Variants in SLAIN2 observed in about 807,000 individuals in gnomAD.
SLAIN2 encodes SLAIN family member 2, also known as SLAIN motif-containing protein 2.
Under a neutral mutation model 56.6 loss-of-function variants are expected in SLAIN2, and 31 were observed. That is an observed-to-expected ratio of 0.55 (90% CI 0.41 to 0.74). The LOEUF (loss-of-function observed/expected upper bound fraction) is 0.74, where lower values mean the gene tolerates loss of function less well. Ranked by LOEUF, SLAIN2 falls within the 30% of genes least tolerant of loss-of-function variation. SLAIN2 has a pLI of 0.00. For synonymous variants in SLAIN2, 317 were observed against 284.9 expected (o/e 1.11, Z -1.13); for missense variants, 777 against 754.2 (o/e 1.03, Z -0.35).
intron 1 of SLAIN2, among the ~76,000 whole-genome samples, chr4:48,364,672 G>T: frequency 8.2e-6 from 1 of 121,636 alleles, no homozygotes; most frequent in Non-Finnish European, 1.9e-5. Flanking sequence ...TTAGGGGCTG[G>T]AGATCGGCCC....
At chr4:48,402,397 A>G (rs1472071848) in intron 6 of SLAIN2, among the ~76,000 whole-genome samples, 1 of 151,964 alleles carries the variant, frequency 6.6e-6, no homozygotes, top group Non-Finnish European at 1.5e-5. Context: ...TGTTCTCCCC[A>G]TCTCTTTCAG....
chr4:48,421,968 A>G, intron 7 of SLAIN2, 43 bp from the exon 8 acceptor site: 4 of 1,435,880 alleles, frequency 2.8e-6, no homozygotes, highest in Non-Finnish European at 3.9e-6. Context: ...CTATTTCATA[A>G]AGACATTTAT....
At chr4:48,360,585 C>CT (rs1295902372) in intron 1 of SLAIN2, among the ~76,000 whole-genome samples, 5 of 151,940 alleles carry the variant, frequency 3.3e-5, no homozygotes, top group East Asian at 1.9e-4. Flanking sequence ...AAGTGAGACT[C>CT]TGTCTCCAAA....
chr4:48,392,736 A>G (rs1289950180), intron 6 of SLAIN2, among the ~76,000 whole-genome samples: 1 of 151,776 alleles, frequency 6.6e-6, no homozygotes, highest in Non-Finnish European at 1.5e-5. Flanking sequence ...TATAATTGCA[A>G]CTTAAATCGC....
intron 6 of SLAIN2, among the ~76,000 whole-genome samples, chr4:48,413,263 A>T (rs1716913048): frequency 6.6e-6 from 1 of 151,634 alleles, no homozygotes; most frequent in African/African-American, 2.4e-5. Context: ...GACAGTAGAG[A>T]TGTTTCTCTT....
intron 7 of SLAIN2, 196 bp downstream of exon 7, chr4:48,420,639 T>A (rs1035827551): frequency 1.7e-5 from 13 of 750,232 alleles, no homozygotes; most frequent in Non-Finnish European, 2.5e-5. Flanking sequence ...ACCAGTTTGG[T>A]TCAGATTAAA....
chr4:48,375,477 A>T (rs1031478131), intron 2 of SLAIN2, among the ~76,000 whole-genome samples: 1 of 152,080 alleles, frequency 6.6e-6, no homozygotes, highest in African/African-American at 2.4e-5. Flanking sequence ...TCCAGTTTTT[A>T]ATATCTATCC....
Position 48,369,842 on chromosome 4 carries a change from C to T in SLAIN2, c.390-7C>T. 9 of 1,609,280 alleles carry T rather than the reference C, an allele frequency of 5.6e-6. No homozygotes were observed. The highest frequency in any genetic ancestry group is 7.6e-6 in the Non-Finnish European group (9 of 1,178,170). On this transcript the variant is annotated splice_region_variant and splice_polypyrimidine_tract_variant and intron_variant, in intron 1 of 7. Transcript: ENST00000264313. Reference sequence around the variant, plus strand: ...GGAATTTTCTGTTTTTTGTTGTCTTCTTCTAGGCTGTATTCATCACCAAAG... The same window carrying T: ...GGAATTTTCTGTTTTTTGTTGTCTTTTTCTAGGCTGTATTCATCACCAAAG...
intron 3 of SLAIN2, among the ~76,000 whole-genome samples, chr4:48,378,944 GCTGA>G (rs1032386287): frequency 2.0e-5 from 3 of 152,136 alleles, no homozygotes; most frequent in African/African-American, 4.8e-5. Flanking sequence ...TCATGTTGGA[GCTGA>G]CTGTTATGGT....
chr4:48,352,116 T>G (rs1396874), intron 1 of SLAIN2, among the ~76,000 whole-genome samples: 2,395 of 151,652 alleles, frequency 0.016, 54 homozygotes, highest in African/African-American at 0.055. Context: ...ATTGGAATGC[T>G]TTTAACAAAA....
intron 6 of SLAIN2, among the ~76,000 whole-genome samples, chr4:48,386,076 C>T (rs1716091086): frequency 6.9e-6 from 1 of 144,514 alleles, no homozygotes; most frequent in Non-Finnish European, 1.5e-5. Context: ...CTGCTGCACT[C>T]CAGTCTATTG....
intron 1 of SLAIN2, among the ~76,000 whole-genome samples, chr4:48,360,841 T>G (rs1007858976): frequency 6.6e-6 from 1 of 152,192 alleles, no homozygotes; most frequent in Admixed American, 6.5e-5. Context: ...TTCTAGACAT[T>G]CCATATCAAT....
At chr4:48,396,299 A>G (rs1716384801) in intron 6 of SLAIN2, among the ~76,000 whole-genome samples, 1 of 152,060 alleles carries the variant, frequency 6.6e-6, no homozygotes, top group African/African-American at 2.4e-5. Flanking sequence ...GGGGTGTGCT[A>G]TTCTGTTTTG....
chr4:48,413,050 A>G (rs1716907425), intron 6 of SLAIN2, among the ~76,000 whole-genome samples: 2 of 152,052 alleles, frequency 1.3e-5, no homozygotes, highest in South Asian at 4.1e-4. Flanking sequence ...CATCATGGCA[A>G]AACTCCGTCT....
At chr4:48,362,732 CTTTTTTTTTTTTTTATTCTTTT>C (rs1219374130) in intron 1 of SLAIN2, among the ~76,000 whole-genome samples, 4 of 116,412 alleles carry the variant, frequency 3.4e-5, no homozygotes, top group African/African-American at 9.9e-5. Flanking sequence ...TTTTAAATTT[CTTTTTTTTTTTTTTATTCTTTT>C]TTTTTTTTTT....
At chr4:48,376,787 T>C (rs942634370) in intron 2 of SLAIN2, among the ~76,000 whole-genome samples, 1 of 151,276 alleles carries the variant, frequency 6.6e-6, no homozygotes, top group African/African-American at 2.4e-5. Context: ...CACACCTGGC[T>C]AATTTTTTGT....
At chr4:48,352,879 G>C (rs185019039) in intron 1 of SLAIN2, among the ~76,000 whole-genome samples, 4 of 152,152 alleles carry the variant, frequency 2.6e-5, no homozygotes, top group Non-Finnish European at 2.9e-5. Context: ...GGAGGGACCT[G>C]GTGGGAGATA....
At chr4:48,371,109 GTT>G (rs71660447) in intron 2 of SLAIN2, among the ~76,000 whole-genome samples, 6 of 140,406 alleles carry the variant, frequency 4.3e-5, no homozygotes, top group Admixed American at 7.1e-5. Flanking sequence ...TTTTTGTTTT[GTT>G]TTTTTTTTTT....
intron 6 of SLAIN2, 153 bp downstream of exon 6, chr4:48,383,937 G>A: frequency 1.4e-6 from 1 of 719,076 alleles, no homozygotes; most frequent in Non-Finnish European, 2.2e-6. Flanking sequence ...GTTGCTGGAT[G>A]ATAATCAAAG....
Sources: gnomAD v4.1 joint callset for allele counts (sites outside exome capture counted in the v4.1 genomes callset) on GRCh38, gnomAD v4.1.1 for gene constraint, MANE v1.5 for transcripts, NCBI Gene and HGNC (gene_info 2026-07-23, HGNC 2026-07-21) for gene names.